Variants in LYST observed in about 807,000 individuals in gnomAD.
LYST encodes the protein lysosomal-trafficking regulator.
A neutral mutation model predicts 413.6 loss-of-function variants in LYST; 192 were observed. The observed-to-expected ratio is 0.46, with a 90% CI of 0.41 to 0.52. The LOEUF is 0.52. LYST is among the 20% of genes least tolerant of loss of function. LYST has a pLI of 0.00. For missense variants in LYST, 3,815 were observed against 4,499.9 expected (o/e 0.85, Z 4.35); for synonymous variants, 1,525 against 1,567.3 (o/e 0.97, Z 0.64).
Position 235,677,139 on chromosome 1 carries a change from C to A in LYST, c.10990G>T (p.Val3664Phe). 1 of 1,614,052 alleles carries A rather than the reference C, an allele frequency of 6.2e-7. No individual in the cohort carries two copies. The highest frequency in any genetic ancestry group is 8.5e-7 in the Non-Finnish European group (1 of 1,179,938). The change falls in exon 50 of 53, where the codon GTC (valine) becomes TTC (phenylalanine). Residue 3664 changes from valine to phenylalanine, a missense_variant. Transcript: ENST00000389793. ...LAGHKSPVTA[V>F]SASETSGDIA... Reference sequence around the variant, plus strand: ...TCACCTGAGGTTTCACTGGCAGAGACAGCTGTGACAGGGCTTTTGTGTCCC... The same window carrying A: ...TCACCTGAGGTTTCACTGGCAGAGAAAGCTGTGACAGGGCTTTTGTGTCCC...
chr1:235,719,983 C>T (rs1373563629), intron 40 of LYST, among the ~76,000 whole-genome samples: 1 of 151,844 alleles, frequency 6.6e-6, no homozygotes, highest in East Asian at 1.9e-4. Context: ...AGAGACCATC[C>T]TGGCCAACAT....
intron 9 of LYST, 146 bp downstream of exon 9, chr1:235,800,725 C>T: frequency 1.6e-6 from 1 of 633,242 alleles, no homozygotes; most frequent in East Asian, 2.8e-5. Flanking sequence ...TTTGGAATAC[C>T]ACTTGTAGGT....
upstream of LYST, among the ~76,000 whole-genome samples, chr1:235,869,426 A>C (rs919083440): frequency 3.0e-4 from 45 of 152,278 alleles, no homozygotes; most frequent in African/African-American, 1.1e-3. Context: ...GAGCTGAGAT[A>C]GCGCCACTAC....
At chr1:235,671,827 A>G (rs924162847) in intron 50 of LYST, among the ~76,000 whole-genome samples, 2 of 152,228 alleles carry the variant, frequency 1.3e-5, no homozygotes, top group African/African-American at 4.8e-5. Flanking sequence ...GGATGACATA[A>G]TTCGATTTAC....
chr1:235,740,662 C>T (rs116378941), intron 31 of LYST, among the ~76,000 whole-genome samples: 3,302 of 152,264 alleles, frequency 0.022, 120 homozygotes, highest in African/African-American at 0.075. Flanking sequence ...AGATTTCTCT[C>T]TACAGGTATA....
At position 235,752,134 on chromosome 1, in the gene LYST, T is replaced by C; in HGVS notation, c.7498A>G (p.Ile2500Val). Residue 2500 changes from isoleucine (I) to valine (V), a missense_variant, in exon 27 of 53, where the codon ATA becomes GTA. Transcript: ENST00000389793. Reference sequence around the variant, plus strand: ...GTAACTGCTATGAAAAGTTGCTGTATATCACAAGCAAGCAATTTATATTCA... The same window carrying C: ...GTAACTGCTATGAAAAGTTGCTGTACATCACAAGCAAGCAATTTATATTCA... The part of the protein sequence containing the change: ...MSEYKLLACD[I>V]QQLFIAVTIH... The C allele has an allele frequency of 6.2e-7, 1 of 1,611,754 alleles. No homozygotes were observed. The highest frequency in any genetic ancestry group is 8.5e-7 in the Non-Finnish European group (1 of 1,178,334).
chr1:235,741,145 C>G (rs980836303), intron 31 of LYST, among the ~76,000 whole-genome samples: 13 of 152,118 alleles, frequency 8.5e-5, no homozygotes, highest in African/African-American at 2.7e-4. Flanking sequence ...AAATAAAACA[C>G]TTCAAGATGT....
At chr1:235,705,925 G>T (rs1661950734) in intron 44 of LYST, among the ~76,000 whole-genome samples, 2 of 151,998 alleles carry the variant, frequency 1.3e-5, no homozygotes, top group Admixed American at 1.3e-4. Flanking sequence ...CCAAGTAGCT[G>T]GGATTACAAG....
chr1:235,663,995 C>T lies in LYST; in HGVS notation c.11256G>A (p.Lys3752=). ...VREITFPKSN[K]PIISLTFSCD... is the part of the protein sequence containing the mutation. ...GGAGAAGATCTTACCTGATGATGGG[C>T]TTATTTGATTTGGGAAATGTAATTT... The change falls in exon 52 of 53, where the codon AAG becomes AAA. Residue 3752 remains lysine, a synonymous_variant. Transcript: ENST00000389793. The T allele has an allele frequency of 6.2e-7, 1 of 1,611,202 alleles. No homozygotes were observed. The highest frequency in any genetic ancestry group is 8.5e-7 in the Non-Finnish European group (1 of 1,177,356).
intron 10 of LYST, among the ~76,000 whole-genome samples, chr1:235,795,962 A>G (rs1052052328): frequency 6.6e-6 from 1 of 152,068 alleles, no homozygotes; most frequent in Non-Finnish European, 1.5e-5. Flanking sequence ...AAATAACCAG[A>G]AAACAATCAA....
chr1:235,699,629 T>C (rs1661391442), intron 45 of LYST, among the ~76,000 whole-genome samples: 1 of 152,188 alleles, frequency 6.6e-6, no homozygotes. Context: ...GTACTTCTGG[T>C]TCTAGATCCT....
intron 45 of LYST, 57 bp downstream of exon 45, chr1:235,702,690 G>A: frequency 7.2e-7 from 1 of 1,382,310 alleles, no homozygotes. Context: ...AGAGTGCCTG[G>A]CATCACAAGA....
intron 18 of LYST, 143 bp downstream of exon 18, chr1:235,774,770 T>C (rs558627369): frequency 1.6e-5 from 10 of 609,866 alleles, no homozygotes; most frequent in South Asian, 1.5e-4. Context: ...AAGAGTATCT[T>C]AGTTTGATTA....
chr1:235,776,599 T>G (rs190374209), intron 17 of LYST, among the ~76,000 whole-genome samples: 1 of 152,230 alleles, frequency 6.6e-6, no homozygotes, highest in East Asian at 1.9e-4. Context: ...GACAGATAAT[T>G]AAATGACTCA....
intron 28 of LYST, chr1:235,747,243 G>A (rs772040832): frequency 2.2e-6 from 1 of 453,286 alleles, no homozygotes; most frequent in Non-Finnish European, 4.4e-6. Flanking sequence ...TTAATGGACC[G>A]AAGGAGAAGG....
At chr1:235,716,624 G>C in intron 41 of LYST, 88 bp downstream of exon 41, 1 of 807,274 alleles carries the variant, frequency 1.2e-6, no homozygotes, top group Non-Finnish European at 2.1e-6. Flanking sequence ...AAAATCCATA[G>C]TATAAATTTA....
At chr1:235,816,077 C>T (rs1386808502) in intron 3 of LYST, among the ~76,000 whole-genome samples, 3 of 128,878 alleles carry the variant, frequency 2.3e-5, no homozygotes, top group Non-Finnish European at 4.7e-5. Flanking sequence ...ATGCAGTGAG[C>T]CAAGATCACA....
intron 16 of LYST, among the ~76,000 whole-genome samples, chr1:235,778,308 T>A (rs571682548): frequency 1.3e-5 from 2 of 151,558 alleles, no homozygotes; most frequent in Non-Finnish European, 1.5e-5. Flanking sequence ...AGGGAAATCA[T>A]ATAGATTCAG....
chr1:235,757,148 A>G (rs1359096412), intron 24 of LYST, 133 bp downstream of exon 24: 4 of 621,096 alleles, frequency 6.4e-6, no homozygotes, highest in Non-Finnish European at 2.7e-6. Context: ...TTAAGTAACA[A>G]ACTATATTAG....
Sources: allele counts gnomAD v4.1 joint callset (sites outside exome capture counted in the v4.1 genomes callset), GRCh38; gene constraint gnomAD v4.1.1; transcripts MANE v1.5; gene names NCBI Gene and HGNC (gene_info 2026-07-23, HGNC 2026-07-21).